The following ARHGEF12 variants were observed in gnomAD, a reference collection of about 807,000 sequenced individuals.
ARHGEF12 encodes the protein KMT2A/ARHGEF12 fusion protein.
Under a neutral mutation model 211.2 loss-of-function variants are expected in ARHGEF12, and 66 were observed. The ratio of observed to expected loss-of-function variants is 0.31; its 90% CI spans 0.26 to 0.38. ARHGEF12 has a LOEUF of 0.38. ARHGEF12 is among the 10% of genes least tolerant of loss of function. The pLI, the probability that ARHGEF12 is intolerant of heterozygous loss-of-function variation, is 1.00. For missense variants in ARHGEF12, 1,429 were observed against 1,869.5 expected, an observed-to-expected ratio of 0.76 and a Z score of 4.34; for synonymous variants, 592 against 638.4, an observed-to-expected ratio of 0.93 and a Z score of 1.09.
At chr11:120,404,826 A>G (rs1944652119) in intron 1 of ARHGEF12, among the ~76,000 whole-genome samples, 1 of 152,200 alleles carries the variant, frequency 6.6e-6, no homozygotes, top group Non-Finnish European at 1.5e-5. Flanking sequence ...TCTGTAAATT[A>G]AGAAACATGT....
At chr11:120,477,684 A>G in intron 36 of ARHGEF12, 158 bp downstream of exon 36, 1 of 585,280 alleles carries the variant, frequency 1.7e-6, no homozygotes. Context: ...GACCAACATG[A>G]CAAAACCCTG....
rs1946076021 is a variant in ARHGEF12, at chr11:120,447,351, AT to A, written c.1589+270del. The A allele has an allele frequency of 1.2e-5, 4 of 343,808 alleles. No individual in the cohort carries two copies. In the East Asian group the frequency reaches 2.1e-4, roughly 18 times the overall value. 21.3% of individuals were successfully genotyped at this position (343,808 alleles called of 1,614,324 possible). A position where few individuals can be genotyped will look rare whatever the true frequency, so the allele number is the denominator to read the frequency against. On this transcript the variant is annotated intron_variant, in intron 18 of 40. Coordinates refer to ENST00000397843, the MANE Select transcript of ARHGEF12 (RefSeq NM_015313.3). ...CAAAAACAGGTTGATTACTTTCATT[AT>A]TTTCAATTTATAGGCCTTGGAAATA...
At chr11:120,431,738 T>G (rs1355184915) in intron 10 of ARHGEF12, 33 bp from the exon 11 acceptor site, 1 of 1,540,864 alleles carries the variant, frequency 6.5e-7, no homozygotes, top group Non-Finnish European at 8.8e-7. Flanking sequence ...TTTATGTGTT[T>G]GTGTGCGCGT....
chr11:120,444,518 G>C (rs890577813), intron 15 of ARHGEF12, among the ~76,000 whole-genome samples: 2 of 152,118 alleles, frequency 1.3e-5, no homozygotes, highest in South Asian at 4.1e-4. Flanking sequence ...CAAAGAGAAA[G>C]TTTTAAAATC....
chr11:120,349,877 C>A (rs1396483625), intron 1 of ARHGEF12, among the ~76,000 whole-genome samples: 1 of 152,066 alleles, frequency 6.6e-6, no homozygotes, highest in Non-Finnish European at 1.5e-5. Flanking sequence ...TGATAATATT[C>A]CTTATCTTTT....
chr11:120,487,036 GA>G lies in ARHGEF12; in HGVS notation c.*1962del. The G allele has an allele frequency of 4.6e-6, 1 of 216,446 alleles. No homozygotes were observed. The highest frequency in any genetic ancestry group is 9.3e-6 in the Non-Finnish European group (1 of 107,324). The allele number at this position is 216,446 out of a possible 1,614,324, so 13.4% of individuals were successfully genotyped here. A position where few individuals can be genotyped will look rare whatever the true frequency, so the allele number is the denominator to read the frequency against. The stretch of plus-strand genomic sequence containing the variant: ...ACCAAATGGTTACATTGTGCTGCTA[GA>G]AATAATGTCATTCTCAATTAAAAGG... On this transcript the variant is annotated 3_prime_UTR_variant, in exon 41 of 41. Coordinates refer to ENST00000397843, the MANE Select transcript of ARHGEF12 (RefSeq NM_015313.3).
chr11:120,430,235 A>G (rs1001610436), intron 10 of ARHGEF12, among the ~76,000 whole-genome samples: 2 of 152,098 alleles, frequency 1.3e-5, no homozygotes, highest in African/African-American at 4.8e-5. Flanking sequence ...AAATATATGG[A>G]CAAGCATTTT....
chr11:120,362,130 A>T (rs1393072826), intron 1 of ARHGEF12, among the ~76,000 whole-genome samples: 1 of 152,246 alleles, frequency 6.6e-6, no homozygotes, highest in Non-Finnish European at 1.5e-5. Context: ...GAGTGTCTCA[A>T]ATTGGCTGAA....
intron 38 of ARHGEF12, 120 bp downstream of exon 38, chr11:120,480,550 T>C (rs1365147659): frequency 6.2e-6 from 6 of 962,828 alleles, no homozygotes; most frequent in Non-Finnish European, 9.1e-6. Flanking sequence ...TTCACACATG[T>C]GCAATATTTA....
intron 1 of ARHGEF12, among the ~76,000 whole-genome samples, chr11:120,394,026 T>G (rs570334074): frequency 6.6e-6 from 1 of 152,158 alleles, no homozygotes; most frequent in African/African-American, 2.4e-5. Context: ...CTCTGGAAAG[T>G]TTCCAAATAT....
rs1477919008 is a variant in ARHGEF12, at chr11:120,486,125, C to CT, written c.*1049dup. 1 of 233,408 alleles carries CT rather than the reference C, an allele frequency of 4.3e-6. No homozygotes were observed. Among genetic ancestry groups the CT allele is most frequent in the Non-Finnish European group, 8.5e-6 (1 of 117,994 alleles). 14.5% of individuals were successfully genotyped at this position (233,408 alleles called of 1,614,324 possible). On this transcript the variant is annotated 3_prime_UTR_variant, in exon 41 of 41. Coordinates refer to ENST00000397843, the MANE Select transcript of ARHGEF12 (RefSeq NM_015313.3). ...TGGGTAAAGAGTTTGGGAAGGTTAT[C>CT]TAACTGAATCACTACTGAGTTGAAT...
At chr11:120,403,822 T>C (rs1402214687) in intron 1 of ARHGEF12, among the ~76,000 whole-genome samples, 2 of 152,210 alleles carry the variant, frequency 1.3e-5, no homozygotes, top group African/African-American at 4.8e-5. Context: ...GATTTCATGA[T>C]TAGACTACAC....
At chr11:120,383,427 GTAATGTATAATGAAA>G (rs969706504) in intron 1 of ARHGEF12, among the ~76,000 whole-genome samples, 6 of 152,006 alleles carry the variant, frequency 3.9e-5, no homozygotes, top group African/African-American at 1.5e-4. Flanking sequence ...TTATTACATT[GTAATGTATAATGAAA>G]TAATTATATA....
chr11:120,462,379 A>G (rs941153400), intron 27 of ARHGEF12, among the ~76,000 whole-genome samples: 10 of 152,212 alleles, frequency 6.6e-5, no homozygotes, highest in African/African-American at 2.4e-4. Flanking sequence ...AAAGCAATAA[A>G]TAGTAACATC....
chr11:120,457,109 T>C lies in ARHGEF12; in HGVS notation c.2057-9T>C. The C allele has an allele frequency of 1.2e-6, 2 of 1,613,242 alleles. No homozygotes were observed. The highest frequency in any genetic ancestry group is 2.2e-5 in the South Asian group (2 of 90,912). On this transcript the variant is annotated splice_polypyrimidine_tract_variant and intron_variant, in intron 22 of 40. Coordinates refer to ENST00000397843, the MANE Select transcript of ARHGEF12 (RefSeq NM_015313.3). ...TAACACTCTTCAAATGTCTGACTTT[T>C]GTCTACAGGATCAAAGCAAGTTGGA...
At chr11:120,412,058 G>T (rs1352310276) in intron 4 of ARHGEF12, among the ~76,000 whole-genome samples, 8 of 152,040 alleles carry the variant, frequency 5.3e-5, no homozygotes. Flanking sequence ...TGCCCAGTGC[G>T]GTCAGTTGGT....
rs1947440542 is a variant in ARHGEF12 at position 120,488,052 on chromosome 11, CTTTTTAAAAAGT to C, written c.*2977_*2988del. 1 of 220,570 alleles carries C rather than the reference CTTTTTAAAAAGT, an allele frequency of 4.5e-6. No homozygotes were observed. Among genetic ancestry groups the C allele is most frequent in the Non-Finnish European group, 9.1e-6 (1 of 110,316 alleles). 13.7% of individuals were successfully genotyped at this position (220,570 alleles called of 1,614,324 possible). ...CAACTGCCAATGAAGGATGAATCCCCTTTTTAAAAAGTTGTTGTTGTTGTTGTTTATTTGATT... is the reference window on the plus strand; with the variant it reads ...CAACTGCCAATGAAGGATGAATCCCCTGTTGTTGTTGTTGTTTATTTGATT... On this transcript the variant is annotated 3_prime_UTR_variant, in exon 41 of 41. Transcript: ENST00000397843.
intron 1 of ARHGEF12, among the ~76,000 whole-genome samples, chr11:120,372,608 G>A (rs184417208): frequency 2.0e-5 from 3 of 152,176 alleles, no homozygotes; most frequent in African/African-American, 7.2e-5. Context: ...ATGGAAGACT[G>A]AAGCTTATTT....
Position 120,448,352 on chromosome 11 carries a change from A to G in ARHGEF12, c.1737+4A>G. On this transcript the variant is annotated splice_donor_region_variant and intron_variant, in intron 20 of 40. Coordinates refer to ENST00000397843, the MANE Select transcript of ARHGEF12 (RefSeq NM_015313.3). Reference sequence around the variant, plus strand: ...TGGATTTCTTCCCAAAATCAAGGTAAGAATGAAATAATGTAATAGCATGTT... The same window carrying G: ...TGGATTTCTTCCCAAAATCAAGGTAGGAATGAAATAATGTAATAGCATGTT... The G allele has an allele frequency of 6.2e-7, 1 of 1,610,280 alleles. No homozygotes were observed. The highest frequency in any genetic ancestry group is 8.5e-7 in the Non-Finnish European group (1 of 1,176,574).
Sources: gnomAD v4.1 joint callset for allele counts (sites outside exome capture counted in the v4.1 genomes callset) on GRCh38, gnomAD v4.1.1 for gene constraint, MANE v1.5 for transcripts, NCBI Gene and HGNC (gene_info 2026-07-23, HGNC 2026-07-21) for gene names.